Variants in WIPF1 observed in about 807,000 individuals in gnomAD.
WIPF1 encodes the protein WAS/WASL-interacting protein family member 1.
WIPF1 carries 13 observed loss-of-function variants against 35.4 expected under a neutral mutation model. The ratio of observed to expected loss-of-function variants is 0.37; its 90% CI spans 0.24 to 0.58. The LOEUF (loss-of-function observed/expected upper bound fraction) is 0.58, where lower values mean the gene tolerates loss of function less well. Among genes scored for constraint, WIPF1 ranks in the 20% least tolerant of loss-of-function variants. The pLI is 0.74. For synonymous variants in WIPF1, 267 were observed against 266.3 expected (o/e 1.00, Z -0.02); for missense variants, 591 against 667.0 (o/e 0.89, Z 1.25).
chr2:174,560,918 T>G lies in WIPF1; in HGVS notation c.*1629A>C, dbSNP rs1684470296. Reference sequence around the variant, plus strand: ...CTTGGTAGCATCTCCCAGTAATACATGAATAACATACTGAAACCATGATAC... The same window carrying G: ...CTTGGTAGCATCTCCCAGTAATACAGGAATAACATACTGAAACCATGATAC... On this transcript the variant is annotated 3_prime_UTR_variant, in exon 8 of 8. Coordinates refer to ENST00000679041, the MANE Select transcript of WIPF1 (RefSeq NM_001375834.1). The G allele has an allele frequency of 6.6e-6, 1 of 152,634 alleles. No homozygotes were observed. The highest frequency in any genetic ancestry group is 1.5e-5 in the Non-Finnish European group (1 of 68,034). The allele number at this position is 152,634 out of a possible 1,614,324, so 9.5% of individuals were successfully genotyped here.
chr2:174,680,126 C>T (rs1183685649), intron 1 of WIPF1, among the ~76,000 whole-genome samples: 1 of 152,232 alleles, frequency 6.6e-6, no homozygotes, highest in African/African-American at 2.4e-5. Flanking sequence ...ATTCTGCCTG[C>T]ATACCTGCTG....
intron 1 of WIPF1, among the ~76,000 whole-genome samples, chr2:174,587,087 G>A (rs2105845860): frequency 6.6e-6 from 1 of 152,150 alleles, no homozygotes; most frequent in South Asian, 2.1e-4. Context: ...GCTTACTGTT[G>A]CCTCAAATTC....
chr2:174,630,624 G>T (rs1686990271), intron 1 of WIPF1: 1 of 152,106 alleles, frequency 6.6e-6, no homozygotes, highest in South Asian at 2.1e-4. Context: ...CCAACCTTCT[G>T]ACTGATGACG....
At chr2:174,601,281 A>G (rs1251490955), upstream of WIPF1, among the ~76,000 whole-genome samples, 3 of 152,154 alleles carry the variant, frequency 2.0e-5, no homozygotes, top group Non-Finnish European at 4.4e-5. Context: ...GTAAATAACA[A>G]ATGCCAAGAC....
chr2:174,565,261 G>A (rs547961656), intron 7 of WIPF1, among the ~76,000 whole-genome samples: 1 of 152,168 alleles, frequency 6.6e-6, no homozygotes, highest in African/African-American at 2.4e-5. Flanking sequence ...TCTTCATTAG[G>A]TATTGTCTAT....
intron 1 of WIPF1, among the ~76,000 whole-genome samples, chr2:174,647,879 C>T (rs1029357858): frequency 6.6e-6 from 1 of 152,128 alleles, no homozygotes; most frequent in African/African-American, 2.4e-5. Context: ...TTTAGAAGAA[C>T]CTAGATTAAA....
chr2:174,633,190 TG>T (rs1180609228), intron 1 of WIPF1, among the ~76,000 whole-genome samples: 3 of 152,190 alleles, frequency 2.0e-5, no homozygotes, highest in African/African-American at 7.2e-5. Flanking sequence ...TTGTACAACT[TG>T]GTGGTAAAAT....
intron 1 of WIPF1, among the ~76,000 whole-genome samples, chr2:174,642,341 A>AT (rs1687314019): frequency 2.0e-5 from 2 of 100,124 alleles, no homozygotes; most frequent in African/African-American, 3.9e-5. Flanking sequence ...TCCTTCCTCC[A>AT]CCTTTTTTTT....
intron 2 of WIPF1, among the ~76,000 whole-genome samples, chr2:174,583,603 TGATAA>T (rs1348443046): frequency 6.6e-6 from 1 of 152,214 alleles, no homozygotes; most frequent in African/African-American, 2.4e-5. Flanking sequence ...AGAAATGAGT[TGATAA>T]GATAAGCAAG....
At chr2:174,661,685 T>C (rs1687762647) in intron 1 of WIPF1, among the ~76,000 whole-genome samples, 1 of 152,210 alleles carries the variant, frequency 6.6e-6, no homozygotes, top group Non-Finnish European at 1.5e-5. Context: ...TTTTCCCCTG[T>C]AGAACATAAA....
intron 1 of WIPF1, among the ~76,000 whole-genome samples, chr2:174,636,589 T>C (rs757037073): frequency 6.6e-6 from 1 of 152,234 alleles, no homozygotes; most frequent in Non-Finnish European, 1.5e-5. Flanking sequence ...TGCTGTCCTT[T>C]ATCTGTTCCA....
chr2:174,568,184 G>C, intron 5 of WIPF1, 111 bp from the exon 6 acceptor site: 1 of 1,272,272 alleles, frequency 7.9e-7, no homozygotes, highest in Non-Finnish European at 1.1e-6. Flanking sequence ...CCTTTAATTA[G>C]GGTGATTTTC....
intron 1 of WIPF1, chr2:174,673,930 G>A (rs1298157605): frequency 1.3e-5 from 2 of 151,442 alleles, no homozygotes; most frequent in Non-Finnish European, 2.9e-5. Context: ...CAATCTTTTT[G>A]ACATCTGTGT....
At chr2:174,612,453 G>A (rs1272873369) in intron 1 of WIPF1, among the ~76,000 whole-genome samples, 1 of 151,886 alleles carries the variant, frequency 6.6e-6, no homozygotes, top group Non-Finnish European at 1.5e-5. Context: ...CATTTAAATT[G>A]CATCCAATTT....
At chr2:174,581,796 G>A (rs1385419413) in intron 2 of WIPF1, among the ~76,000 whole-genome samples, 1 of 152,118 alleles carries the variant, frequency 6.6e-6, no homozygotes, top group African/African-American at 2.4e-5. Context: ...ATTACCAGAC[G>A]TCATTCACTA....
chr2:174,672,640 A>C (rs982118453), intron 1 of WIPF1, among the ~76,000 whole-genome samples: 11 of 152,208 alleles, frequency 7.2e-5, no homozygotes, highest in Non-Finnish European at 1.5e-4. Context: ...CTGAATGACA[A>C]GTTACAACGT....
intron 5 of WIPF1, among the ~76,000 whole-genome samples, chr2:174,569,068 G>T (rs1684753361): frequency 6.6e-6 from 1 of 152,080 alleles, no homozygotes; most frequent in African/African-American, 2.4e-5. Flanking sequence ...AAATCAAAAT[G>T]GCCTTAGTAA....
rs891642872 is a variant in WIPF1 at position 174,571,945 on chromosome 2, G to A, written c.860C>T (p.Pro287Leu). 9.0e-5 allele frequency: 142 copies of A among 1,581,854 alleles called. No individual in the cohort carries two copies. The highest frequency in any genetic ancestry group is 1.2e-4 in the Non-Finnish European group (142 of 1,165,224). The change falls in exon 5 of 8, where the codon CCT (proline) becomes CTT (leucine). Residue 287 changes from proline (P) to leucine (L), a missense_variant. By Grantham distance (98) the Pro-to-Leu change is moderately conservative. This residue lies in a region of WIPF1 where 471 missense variants were observed against 501.1 expected (regional missense o/e 0.94). Coordinates refer to ENST00000679041, the MANE Select transcript of WIPF1 (RefSeq NM_001375834.1). This position sits in a 1 kb window ranked among gnomAD's most constrained non-coding sequence, Gnocchi z 4.6. Reference sequence around the variant, plus strand: ...AGGCACTGGAGGCTTGTTGTTCTGAGGAGGAGGAGGGGGAACCGCTTCCCT... The same window carrying A: ...AGGCACTGGAGGCTTGTTGTTCTGAAGAGGAGGAGGGGGAACCGCTTCCCT... ...IHREAVPPPP[P>L]QNNKPPVPST... is the part of the protein sequence containing the mutation.
chr2:174,611,876 T>C (rs1464281399), intron 1 of WIPF1, among the ~76,000 whole-genome samples: 4 of 152,152 alleles, frequency 2.6e-5, no homozygotes, highest in Non-Finnish European at 4.4e-5. Flanking sequence ...CCACTTTTCA[T>C]AGTTTGATTC....
Sources: gnomAD v4.1 joint callset for allele counts (sites outside exome capture counted in the v4.1 genomes callset) on GRCh38, gnomAD v4.1.1 for gene constraint, gnomAD v4.1.1 regional missense constraint, Gnocchi (gnomAD v3.1) non-coding constraint, MANE v1.5 for transcripts, NCBI Gene and HGNC (gene_info 2026-07-23, HGNC 2026-07-21) for gene names.